The following STOX2 variants were observed in gnomAD, a reference collection of about 807,000 sequenced individuals.
The protein encoded by STOX2 is storkhead box 2.
A neutral mutation model predicts 60.9 loss-of-function variants in STOX2; 28 were observed. The ratio of observed to expected loss-of-function variants is 0.46; its 90% CI spans 0.34 to 0.63. STOX2 has a LOEUF of 0.63. Ranked by LOEUF, STOX2 falls within the 30% of genes least tolerant of loss-of-function variation. The probability of loss-of-function intolerance (pLI) is 0.01; values close to 1 mark genes in which losing one functional copy is unlikely to be tolerated. For missense variants in STOX2, 1,024 were observed against 1,187.7 expected, an observed-to-expected ratio of 0.86 and a Z score of 2.03; for synonymous variants, 472 against 463.9, an observed-to-expected ratio of 1.02 and a Z score of -0.22.
intron 1 of STOX2, among the ~76,000 whole-genome samples, chr4:183,838,863 GTC>G (rs1468202549): frequency 6.6e-6 from 1 of 152,314 alleles, no homozygotes; most frequent in Non-Finnish European, 1.5e-5. Context: ...TCACCAGTGA[GTC>G]TCATTTCTTG....
At chr4:183,866,784 C>T (rs1320777419) in intron 1 of STOX2, among the ~76,000 whole-genome samples, 2 of 152,092 alleles carry the variant, frequency 1.3e-5, no homozygotes, top group Non-Finnish European at 2.9e-5. Flanking sequence ...GAGGCCAAGA[C>T]GGGAGGAACA....
chr4:183,923,585 A>AT (rs1742160737), intron 1 of STOX2, among the ~76,000 whole-genome samples: 1 of 152,110 alleles, frequency 6.6e-6, no homozygotes. Flanking sequence ...CTGTTTTCTT[A>AT]TTTTTTTCCA....
At chr4:183,901,113 A>G (rs779266273), upstream of STOX2, among the ~76,000 whole-genome samples, 29 of 152,126 alleles carry the variant, frequency 1.9e-4, no homozygotes, top group Non-Finnish European at 3.7e-4. Context: ...CCTTTGTGTC[A>G]TTATGATTTT....
At chr4:183,848,651 A>G (rs149194137) in intron 1 of STOX2, among the ~76,000 whole-genome samples, 4,295 of 152,198 alleles carry the variant, frequency 0.028, 87 homozygotes, top group Middle Eastern at 0.075. Flanking sequence ...GCTGATAAGG[A>G]TGTGAGGTGG....
At chr4:183,819,677 C>T (rs1248672284) in intron 1 of STOX2, among the ~76,000 whole-genome samples, 1 of 151,958 alleles carries the variant, frequency 6.6e-6, no homozygotes, top group Non-Finnish European at 1.5e-5. Flanking sequence ...CATTGATGCA[C>T]TTAATTTTAC....
At chr4:183,977,252 G>A (rs759065722) in intron 1 of STOX2, among the ~76,000 whole-genome samples, 1 of 151,968 alleles carries the variant, frequency 6.6e-6, no homozygotes, top group African/African-American at 2.4e-5. Context: ...AGTCTTTAAT[G>A]TCTGTTATTC....
At chr4:183,924,940 C>T (rs1410219010) in intron 1 of STOX2, among the ~76,000 whole-genome samples, 4 of 152,076 alleles carry the variant, frequency 2.6e-5, no homozygotes, top group Non-Finnish European at 5.9e-5. Flanking sequence ...GGCCGGATAC[C>T]GTGAATTTGT....
intron 1 of STOX2, among the ~76,000 whole-genome samples, chr4:183,953,054 G>A (rs906771885): frequency 2.0e-5 from 3 of 152,158 alleles, no homozygotes; most frequent in African/African-American, 4.8e-5. Flanking sequence ...GGGAGGCTGG[G>A]GGAGGGATAG....
chr4:184,011,933 T>G lies in STOX2; in HGVS notation c.2585+510T>G, dbSNP rs1475346848. On this transcript the variant is annotated intron_variant, in intron 3 of 3. Coordinates refer to ENST00000308497, the MANE Select transcript of STOX2 (RefSeq NM_020225.3). The surrounding 1 kb of genome is among the most constrained non-coding windows in gnomAD (Gnocchi z 4.4). ...GCTTGTTGCCATTTGGATCCCACTA[T>G]TCTGTGCAGCCTGTCCCTCTGGCTC... Among the ~76,000 whole-genome samples the G allele has an allele frequency of 6.6e-6, 1 of 152,160 alleles. No homozygotes were observed. Among genetic ancestry groups the G allele is most frequent in the Non-Finnish European group, 1.5e-5 (1 of 68,026 alleles).
chr4:183,906,664 C>A lies in STOX2; in HGVS notation c.-127C>A. ...CCGCCGCTGGCGGTGTAGACGCCGA[C>A]GAGGAGGGGCTGGGAAAATGTGCGC... On this transcript the variant is annotated 5_prime_UTR_variant, in exon 1 of 4. Transcript: ENST00000308497. 9.3e-7 allele frequency: 1 copy of A among 1,077,118 alleles called. No homozygotes were observed. The highest frequency in any genetic ancestry group is 1.3e-6 in the Non-Finnish European group (1 of 779,670). The allele number at this position is 1,077,118 out of a possible 1,614,324, so 66.7% of individuals were successfully genotyped here. A position where few individuals can be genotyped will look rare whatever the true frequency, so the allele number is the denominator to read the frequency against.
chr4:183,997,306 G>A (rs896907013), intron 1 of STOX2, among the ~76,000 whole-genome samples: 1 of 152,196 alleles, frequency 6.6e-6, no homozygotes, highest in Non-Finnish European at 1.5e-5. Context: ...AAATACAAAG[G>A]CCCTGAGTTG....
In STOX2 at chr4:184,010,835, C is replaced by A; in HGVS notation, c.1997C>A (p.Ala666Asp). The change falls in exon 3 of 4, where the codon GCT (alanine) becomes GAT (aspartate). Residue 666 changes from alanine (A) to aspartate (D), a missense_variant. By Grantham distance (126) the Ala-to-Asp change is moderately radical. Around this residue, in one of 3 missense-constraint regions of STOX2, gnomAD observed 922 missense variants for 1,058.3 expected, o/e 0.87. Coordinates refer to ENST00000308497, the MANE Select transcript of STOX2 (RefSeq NM_020225.3). The surrounding 1 kb of genome is among the most constrained non-coding windows in gnomAD (Gnocchi z 4.5). Reference protein sequence around the residue: ...ESPKGPGGGPAASGGVAEGIA... With the variant: ...ESPKGPGGGPDASGGVAEGIA... The stretch of plus-strand genomic sequence containing the variant: ...CCAAAAGGGCCGGGTGGGGGCCCCG[C>A]TGCTTCGGGAGGAGTGGCTGAAGGG... The A allele has an allele frequency of 6.3e-7, 1 of 1,594,774 alleles. No individual in the cohort carries two copies. The highest frequency in any genetic ancestry group is 1.7e-5 in the Admixed American group (1 of 57,900).
chr4:183,903,375 C>T (rs1741505385), upstream of STOX2, among the ~76,000 whole-genome samples: 2 of 152,202 alleles, frequency 1.3e-5, no homozygotes, highest in South Asian at 4.1e-4. Context: ...CTCCCCCACT[C>T]TTTGCTTGAG....
chr4:183,956,439 CATCT>C (rs35378121), intron 1 of STOX2, among the ~76,000 whole-genome samples: 29,659 of 145,830 alleles, frequency 0.2, 2,900 homozygotes, highest in Middle Eastern at 0.27. Flanking sequence ...TTCTATCATT[CATCT>C]ATCTATCTAT....
intron 1 of STOX2, among the ~76,000 whole-genome samples, chr4:183,928,816 A>T (rs1204981160): frequency 1.3e-5 from 2 of 151,818 alleles, no homozygotes; most frequent in Non-Finnish European, 2.9e-5. Flanking sequence ...AGGAAAAAAC[A>T]AACAAAAAAA....
At chr4:183,928,227 G>T (rs900557769) in intron 1 of STOX2, among the ~76,000 whole-genome samples, 10 of 144,520 alleles carry the variant, frequency 6.9e-5, no homozygotes, top group Admixed American at 2.8e-4. Flanking sequence ...TCGGGGGGGG[G>T]CATTTTGTAT....
intron 1 of STOX2, among the ~76,000 whole-genome samples, chr4:183,827,058 G>C (rs548998087): frequency 6.6e-6 from 1 of 152,328 alleles, no homozygotes; most frequent in African/African-American, 2.4e-5. Flanking sequence ...GAGGCACAGA[G>C]TGGTTAGGTG....
chr4:183,961,099 C>A (rs1743398382), intron 1 of STOX2, among the ~76,000 whole-genome samples: 1 of 152,022 alleles, frequency 6.6e-6, no homozygotes, highest in Non-Finnish European at 1.5e-5. Context: ...TAAATAGTAA[C>A]CCAATGCCCT....
chr4:183,907,013 C>A, intron 1 of STOX2, 57 bp downstream of exon 1: 1 of 1,413,810 alleles, frequency 7.1e-7, no homozygotes, highest in Non-Finnish European at 9.5e-7. Flanking sequence ...GTGCTCGGTA[C>A]GCCGCGGCCC....
Sources: gnomAD v4.1 joint callset for allele counts (sites outside exome capture counted in the v4.1 genomes callset) on GRCh38, gnomAD v4.1.1 for gene constraint, gnomAD v4.1.1 regional missense constraint, Gnocchi (gnomAD v3.1) non-coding constraint, MANE v1.5 for transcripts, NCBI Gene and HGNC (gene_info 2026-07-23, HGNC 2026-07-21) for gene names.